SAMD12: variants seen among roughly 807,000 people sequenced by gnomAD.
SAMD12 encodes sterile alpha motif domain containing 12.
A neutral mutation model predicts 15.0 loss-of-function variants in SAMD12; 9 were observed. The observed-to-expected ratio is 0.60, with a 90% CI of 0.36 to 1.05. The LOEUF (loss-of-function observed/expected upper bound fraction) is 1.05. SAMD12 is among the 50% of genes least tolerant of loss of function. The pLI, the probability that SAMD12 is intolerant of heterozygous loss-of-function variation, is 0.01. For missense variants in SAMD12, 230 were observed against 234.2 expected (o/e 0.98, Z 0.12); for synonymous variants, 86 against 90.1 (o/e 0.96, Z 0.25).
intron 4 of SAMD12, among the ~76,000 whole-genome samples, chr8:118,245,868 T>C (rs1812678611): frequency 1.3e-5 from 2 of 152,094 alleles, no homozygotes; most frequent in Admixed American, 6.6e-5. Context: ...TGAATTTTGA[T>C]TGAGAAAATG....
At chr8:118,362,752 T>A (rs769176828) in intron 4 of SAMD12, among the ~76,000 whole-genome samples, 8 of 152,234 alleles carry the variant, frequency 5.3e-5, no homozygotes, top group African/African-American at 9.6e-5. Context: ...CACTCATTTA[T>A]GCCAAATCAA....
intron 4 of SAMD12, among the ~76,000 whole-genome samples, chr8:118,336,085 C>T (rs1044983830): frequency 2.0e-5 from 3 of 152,132 alleles, no homozygotes; most frequent in African/African-American, 7.2e-5. Flanking sequence ...TTCCATGCTA[C>T]AAATTAGTTC....
At chr8:118,530,647 G>T (rs978578488) in intron 2 of SAMD12, among the ~76,000 whole-genome samples, 1 of 152,074 alleles carries the variant, frequency 6.6e-6, no homozygotes, top group African/African-American at 2.4e-5. Flanking sequence ...CCATTCTGTA[G>T]GTTGTCTCTT....
chr8:118,449,564 C>A (rs1340264711), intron 2 of SAMD12, among the ~76,000 whole-genome samples: 1 of 151,640 alleles, frequency 6.6e-6, no homozygotes, highest in Non-Finnish European at 1.5e-5. Context: ...GTAATCCCAG[C>A]ACTTTGGAAG....
chr8:118,444,327 G>A (rs1235575108), intron 2 of SAMD12, among the ~76,000 whole-genome samples: 7 of 151,414 alleles, frequency 4.6e-5, no homozygotes, highest in Non-Finnish European at 1.0e-4. Flanking sequence ...CCCTGAAAGA[G>A]GCCCGAGGCA....
At chr8:118,242,007 G>A (rs1256333813) in intron 4 of SAMD12, among the ~76,000 whole-genome samples, 1 of 152,024 alleles carries the variant, frequency 6.6e-6, no homozygotes, top group Non-Finnish European at 1.5e-5. Context: ...GACCTCCCTG[G>A]GCTCAGGTTA....
chr8:118,137,093 G>A, the SAMD12 span, among the ~76,000 whole-genome samples: 1 of 152,204 alleles, frequency 6.6e-6, no homozygotes, highest in African/African-American at 2.4e-5. Context: ...AGTGGGCTGA[G>A]CAGTGGCTCC....
Position 118,283,093 on chromosome 8 carries a change from G to A in SAMD12, c.434-85361C>T, listed in dbSNP as rs187463507. Among the ~76,000 whole-genome samples the A allele has an allele frequency of 1.8e-3, 272 of 151,998 alleles. 1 individual carries two copies. Among genetic ancestry groups the A allele is most frequent in the African/African-American group, 6.2e-3 (259 of 41,454 alleles). On this transcript the variant is annotated intron_variant, in intron 4 of 4. Coordinates refer to the SAMD12 transcript ENST00000409003. ...TCTCAATAGCTGACCAGGACTCACC[G>A]AGGAAAATACATAGTACTTCTCTGG... is the stretch of plus-strand genomic sequence containing the variant.
chr8:118,499,102 T>C (rs772349052), intron 2 of SAMD12, among the ~76,000 whole-genome samples: 2 of 152,222 alleles, frequency 1.3e-5, no homozygotes, highest in Admixed American at 6.5e-5. Context: ...TGACACTACA[T>C]GTCCAGTATA....
chr8:118,513,641 A>C (rs1347167166), intron 2 of SAMD12, among the ~76,000 whole-genome samples: 2 of 152,246 alleles, frequency 1.3e-5, no homozygotes, highest in African/African-American at 4.8e-5. Flanking sequence ...CCCTAAGGCA[A>C]GTATTTCAAT....
chr8:118,266,010 G>T (rs562016213), intron 4 of SAMD12, among the ~76,000 whole-genome samples: 28 of 152,184 alleles, frequency 1.8e-4, no homozygotes, highest in African/African-American at 6.5e-4. Flanking sequence ...AGGTTTAATT[G>T]ACTCACAATT....
At chr8:118,547,454 T>G (rs1287544876) in intron 2 of SAMD12, among the ~76,000 whole-genome samples, 1 of 152,140 alleles carries the variant, frequency 6.6e-6, no homozygotes, top group Non-Finnish European at 1.5e-5. Context: ...AATTAATCAT[T>G]TACACTTCCC....
chr8:118,261,369 C>A (rs531981720), intron 4 of SAMD12, among the ~76,000 whole-genome samples: 1 of 152,090 alleles, frequency 6.6e-6, no homozygotes, highest in African/African-American at 2.4e-5. Context: ...TCTGTCCTAA[C>A]CAAGCCCCAG....
chr8:118,449,693 C>T lies in SAMD12; in HGVS notation c.193-9732G>A, dbSNP rs556166118. The stretch of plus-strand genomic sequence containing the variant: ...AGGCGCCTGTAGTCCCAGCCTGCCT[C>T]GGGAAGCTGAGGCAGGAGAATGGCG... On this transcript the variant is annotated intron_variant, in intron 2 of 3. Transcript: ENST00000314727. Among the ~76,000 whole-genome samples the T allele has an allele frequency of 6.8e-5, 10 of 147,824 alleles. No homozygotes were observed. In the South Asian group the frequency reaches 2.0e-3, roughly 29 times the overall value.
intron 3 of SAMD12, among the ~76,000 whole-genome samples, chr8:118,410,143 A>G (rs1245756574): frequency 1.3e-5 from 2 of 152,216 alleles, no homozygotes; most frequent in African/African-American, 2.4e-5. Context: ...ATTGATAAAG[A>G]GTATATCTAA....
chr8:118,185,564 T>G (rs575962349), downstream of SAMD12, among the ~76,000 whole-genome samples: 2 of 152,360 alleles, frequency 1.3e-5, no homozygotes, highest in South Asian at 4.1e-4. Context: ...AATAATTATG[T>G]GCTTACTTTA....
At chr8:118,532,447 C>T (rs1825716660) in intron 2 of SAMD12, among the ~76,000 whole-genome samples, 1 of 152,116 alleles carries the variant, frequency 6.6e-6, no homozygotes, top group Admixed American at 6.6e-5. Flanking sequence ...ATGAGGCTGG[C>T]CTCACAAAAT....
intron 4 of SAMD12, among the ~76,000 whole-genome samples, chr8:118,321,178 TATATATA>T (rs1816256020): frequency 9.3e-6 from 1 of 106,976 alleles, no homozygotes; most frequent in Non-Finnish European, 1.9e-5. Flanking sequence ...TATATATATA[TATATATA>T]TTCTTCATCA....
intron 2 of SAMD12, among the ~76,000 whole-genome samples, chr8:118,578,790 A>C (rs1827215054): frequency 1.3e-5 from 2 of 152,154 alleles, no homozygotes; most frequent in African/African-American, 4.8e-5. Flanking sequence ...TTCTTTGTCT[A>C]AGCTTTCTTT....
Sources: gnomAD v4.1 joint callset for allele counts (sites outside exome capture counted in the v4.1 genomes callset) on GRCh38, gnomAD v4.1.1 for gene constraint, MANE v1.5 for transcripts, NCBI Gene and HGNC (gene_info 2026-07-23, HGNC 2026-07-21) for gene names.